Variants in GUCY2F observed in about 807,000 individuals in gnomAD.
GUCY2F encodes the protein retinal guanylyl cyclase 2.
In GUCY2F, 61 loss-of-function variants were observed where a neutral mutation model predicts 73.1. The ratio of observed to expected loss-of-function variants is 0.83; its 90% CI spans 0.68 to 1.03. GUCY2F has a LOEUF of 1.03. GUCY2F is among the 50% of genes least tolerant of loss of function. GUCY2F has a pLI of 0.00. For missense variants in GUCY2F, 912 were observed against 854.3 expected (o/e 1.07, Z -0.84); for synonymous variants, 331 against 307.8 (o/e 1.08, Z -0.79).
In GUCY2F at chrX:109,450,172, G is replaced by A. The variant is rs758641627; in HGVS notation, c.1472+1851C>T. On this transcript the variant is annotated intron_variant, in intron 5 of 19. Coordinates refer to ENST00000218006, the MANE Select transcript of GUCY2F (RefSeq NM_001522.3). ...AGTTTTCTGTGACCATTTGAAGTAC[G>A]AATTGTCTCAAACTCATTTTCCTCT... Among the ~76,000 whole-genome samples the A allele has an allele frequency of 1.1e-4, 12 of 111,118 alleles. No individual in the cohort carries two copies. In the East Asian group the frequency reaches 3.4e-3, roughly 31 times the overall value.
intron 8 of GUCY2F, among the ~76,000 whole-genome samples, chrX:109,418,991 G>A (rs981533660): frequency 9.1e-6 from 1 of 110,215 alleles, no homozygotes; most frequent in East Asian, 2.8e-4. Flanking sequence ...AGTCAATAAC[G>A]AATTTGACAT....
intron 2 of GUCY2F, among the ~76,000 whole-genome samples, chrX:109,467,921 G>A (rs761644137): frequency 1.2e-4 from 13 of 111,990 alleles, no homozygotes; most frequent in Non-Finnish European, 2.4e-4. Context: ...CCTTTCTGTG[G>A]GTGAGACTGA....
intron 8 of GUCY2F, among the ~76,000 whole-genome samples, chrX:109,420,096 C>A (rs1931330433): frequency 9.3e-6 from 1 of 107,834 alleles, no homozygotes; most frequent in Non-Finnish European, 1.9e-5. Context: ...TACTGGAACC[C>A]TGGGTATCTA....
At chrX:109,462,164 T>G (rs1013612562) in intron 3 of GUCY2F, among the ~76,000 whole-genome samples, 3 of 112,711 alleles carry the variant, frequency 2.7e-5, no homozygotes, top group Non-Finnish European at 3.8e-5. Flanking sequence ...AGTCACTTTT[T>G]ACATGTTACT....
At chrX:109,374,795 A>G (rs1192351126) in intron 19 of GUCY2F, among the ~76,000 whole-genome samples, 1 of 112,023 alleles carries the variant, frequency 8.9e-6, no homozygotes, top group Non-Finnish European at 1.9e-5. Flanking sequence ...TCAGAGGGTG[A>G]TTCAGGAGGC....
At chrX:109,473,867 C>T (rs1343677997) in intron 2 of GUCY2F, among the ~76,000 whole-genome samples, 1 of 112,354 alleles carries the variant, frequency 8.9e-6, no homozygotes, top group East Asian at 2.8e-4. Flanking sequence ...AGTTATGATA[C>T]TAAATATATT....
chrX:109,468,434 G>C (rs1481151010), intron 2 of GUCY2F, among the ~76,000 whole-genome samples: 2 of 111,564 alleles, frequency 1.8e-5, no homozygotes, highest in Admixed American at 9.6e-5. Context: ...GTACACTTGG[G>C]TATTTTTTGT....
At chrX:109,428,379 T>G (rs1165497100) in intron 8 of GUCY2F, among the ~76,000 whole-genome samples, 1 of 112,037 alleles carries the variant, frequency 8.9e-6, no homozygotes, top group Non-Finnish European at 1.9e-5. Context: ...TCTGTAGTAT[T>G]CCGGCTGAAG....
At chrX:109,403,565 C>T (rs1930899122) in intron 10 of GUCY2F, among the ~76,000 whole-genome samples, 1 of 111,570 alleles carries the variant, frequency 9.0e-6, no homozygotes, top group Non-Finnish European at 1.9e-5. Context: ...ACGAGTTTTA[C>T]CTACAGCCAT....
chrX:109,439,140 G>A (rs1402864213), intron 7 of GUCY2F, among the ~76,000 whole-genome samples: 1 of 111,873 alleles, frequency 8.9e-6, no homozygotes, highest in Non-Finnish European at 1.9e-5. Context: ...CCTTGGACCA[G>A]CTGAGTCACA....
intron 16 of GUCY2F, among the ~76,000 whole-genome samples, chrX:109,382,769 C>T (rs1417492644): frequency 8.9e-6 from 1 of 112,236 alleles, no homozygotes; most frequent in Admixed American, 9.4e-5. Flanking sequence ...TGGGTGGGGG[C>T]ACCTAGCTGT....
Position 109,441,418 on chromosome X carries a change from C to T in GUCY2F, c.1634G>A (p.Arg545Lys). The T allele has an allele frequency of 8.6e-7, 1 of 1,162,020 alleles. No homozygotes were observed. Among genetic ancestry groups the T allele is most frequent in the African/African-American group, 1.8e-5 (1 of 56,754 alleles). The change falls in exon 7 of 20, where the codon AGA (arginine) becomes AAA (lysine). Residue 545 changes from arginine (R) to lysine (K), a missense_variant. Transcript: ENST00000218006. ...TAGACTCCCTGAAGAAAAGGAGAGT[C>T]TTGGGGACCTCCCACTTTGGACCTC... is the stretch of plus-strand genomic sequence containing the variant. ...TSEVQSGRSPRLSFSSGSLTP... is the reference protein window; with the variant it reads ...TSEVQSGRSPKLSFSSGSLTP...
At chrX:109,430,619 C>T (rs1292570049) in intron 7 of GUCY2F, among the ~76,000 whole-genome samples, 1 of 112,227 alleles carries the variant, frequency 8.9e-6, no homozygotes, top group Admixed American at 9.4e-5. Flanking sequence ...GACAGGGAAA[C>T]AATTGCAAGT....
chrX:109,409,078 G>A lies in GUCY2F; in HGVS notation c.1882C>T (p.Arg628Ter), dbSNP rs758390351. Residue 628 changes from arginine to a stop codon, truncating the protein, a stop_gained, in exon 9 of 20, where the codon CGA becomes TGA. Coordinates refer to ENST00000218006, the MANE Select transcript of GUCY2F (RefSeq NM_001522.3). LOFTEE classifies it high-confidence loss of function. ...MFAIVTEFCS[R>*]GSLEDILTNQ... ...GTCAGTATGTCTTCTAGGCTCCCTC[G>A]GGAACAGAATTCTGTCACAATGGCA... The A allele has an allele frequency of 3.8e-5, 42 of 1,095,461 alleles. No individual in the cohort carries two copies. The highest frequency in any genetic ancestry group is 4.7e-5 in the Non-Finnish European group (37 of 790,800). The allele number at this position is 1,095,461 out of a possible 1,213,427, so 90.3% of individuals were successfully genotyped here.
chrX:109,448,164 G>A lies in GUCY2F; in HGVS notation c.1474C>T (p.Arg492Cys), dbSNP rs746317393. ...SINGFAYFIRRRINKIQLIKG... is the reference protein window; with the variant it reads ...SINGFAYFIRCRINKIQLIKG... ...ATCAACTGGATTTTATTTATACGAC[G>A]CCTAAAACAAACATGAAATCAGAGG... Residue 492 changes from arginine (R) to cysteine (C), a missense_variant and splice_region_variant, in exon 6 of 20, where the codon CGT becomes TGT. By Grantham distance (180) the Arg-to-Cys change is radical. Coordinates refer to ENST00000218006, the MANE Select transcript of GUCY2F (RefSeq NM_001522.3). 9 of 1,003,816 alleles carry A rather than the reference G, an allele frequency of 9.0e-6. No individual in the cohort carries two copies. The highest frequency in any genetic ancestry group is 5.8e-5 in the South Asian group (3 of 51,716). The allele number at this position is 1,003,816 out of a possible 1,213,427, so 82.7% of individuals were successfully genotyped here.
rs759238866 is a variant in GUCY2F, at chrX:109,382,170, T to C, written c.3098A>G (p.Gln1033Arg). 8.4e-7 allele frequency: 1 copy of C among 1,188,077 alleles called. No homozygotes were observed. Among genetic ancestry groups the C allele is most frequent in the Non-Finnish European group, 1.1e-6 (1 of 873,952 alleles). The change falls in exon 17 of 20, where the codon CAA (glutamine) becomes CGA (arginine). Residue 1033 changes from glutamine to arginine, a missense_variant. Transcript: ENST00000218006. The part of the protein sequence containing the change: ...HVSLSTVTIL[Q>R]NLSEGYEVEL... ...CACTTCATAGCCCTCACTCAGATTT[T>C]GAAGAATTGTAACAGTGCTGAGACT...
At position 109,392,056 on chromosome X, in the gene GUCY2F, C is replaced by T; in HGVS notation, c.2636G>A (p.Gly879Asp). Reference sequence around the variant, plus strand: ...GAAGTACAAGGTGACCAAGTCAAAGCCCTCAGGTTCAACTGTGCAGCCCTT... The same window carrying T: ...GAAGTACAAGGTGACCAAGTCAAAGTCCTCAGGTTCAACTGTGCAGCCCTT... ...LKKGCTVEPE[G>D]FDLVTLYFSD... The change falls in exon 14 of 20, where the codon GGC (glycine) becomes GAC (aspartate). Residue 879 changes from glycine (G) to aspartate (D), a missense_variant. Coordinates refer to ENST00000218006, the MANE Select transcript of GUCY2F (RefSeq NM_001522.3). 8.3e-7 allele frequency: 1 copy of T among 1,208,962 alleles called. No homozygotes were observed. Among genetic ancestry groups the T allele is most frequent in the Non-Finnish European group, 1.1e-6 (1 of 893,930 alleles).
At chrX:109,444,518 G>C (rs780750464) in intron 6 of GUCY2F, among the ~76,000 whole-genome samples, 6 of 111,655 alleles carry the variant, frequency 5.4e-5, no homozygotes, top group Non-Finnish European at 1.1e-4. Flanking sequence ...ATAAATTACA[G>C]TCTAGTGTCT....
At chrX:109,396,433 C>T (rs1930711080) in intron 11 of GUCY2F, among the ~76,000 whole-genome samples, 1 of 111,762 alleles carries the variant, frequency 8.9e-6, no homozygotes, top group Non-Finnish European at 1.9e-5. Context: ...CCAGCCTACC[C>T]TTCTCCAAAC....
Sources: allele counts gnomAD v4.1 joint callset (sites outside exome capture counted in the v4.1 genomes callset), GRCh38; gene constraint gnomAD v4.1.1; transcripts MANE v1.5; gene names NCBI Gene and HGNC (gene_info 2026-07-23, HGNC 2026-07-21).